The following GRM8 variants were observed in gnomAD, a reference collection of about 807,000 sequenced individuals.
GRM8 encodes the protein metabotropic glutamate receptor 8.
Under a neutral mutation model 87.2 loss-of-function variants are expected in GRM8, and 47 were observed. The observed-to-expected ratio is 0.54, with a 90% CI of 0.43 to 0.69. The LOEUF (loss-of-function observed/expected upper bound fraction) is 0.69. Ranked by LOEUF, GRM8 falls within the 30% of genes least tolerant of loss-of-function variation. The pLI, the probability that GRM8 is intolerant of heterozygous loss-of-function variation, is 0.00. For synonymous variants in GRM8, 396 were observed against 404.5 expected, an observed-to-expected ratio of 0.98 and a Z score of 0.25; for missense variants, 1,019 against 1,139.2, an observed-to-expected ratio of 0.89 and a Z score of 1.52.
chr7:126,887,403 G>T (rs1563283845), intron 6 of GRM8, among the ~76,000 whole-genome samples: 1 of 152,100 alleles, frequency 6.6e-6, no homozygotes, highest in Non-Finnish European at 1.5e-5. Flanking sequence ...TGTGGTCCTT[G>T]AGAAATCCTG....
intron 7 of GRM8, among the ~76,000 whole-genome samples, chr7:126,730,956 T>C (rs999187648): frequency 3.9e-5 from 6 of 152,258 alleles, no homozygotes; most frequent in African/African-American, 1.4e-4. Context: ...TATAATTGTT[T>C]GGTAAACATT....
chr7:126,623,229 G>A (rs1800351879), intron 7 of GRM8, among the ~76,000 whole-genome samples: 1 of 152,094 alleles, frequency 6.6e-6, no homozygotes, highest in African/African-American at 2.4e-5. Flanking sequence ...TGTGTGTGGA[G>A]GGGTGTAATA....
intron 2 of GRM8, among the ~76,000 whole-genome samples, chr7:127,133,769 C>T (rs1220285210): frequency 6.6e-6 from 1 of 151,272 alleles, no homozygotes; most frequent in Non-Finnish European, 1.5e-5. Flanking sequence ...TTTTTTCACC[C>T]TTCTTGGGTT....
At chr7:127,070,252 G>A (rs1821540345) in intron 3 of GRM8, among the ~76,000 whole-genome samples, 2 of 152,148 alleles carry the variant, frequency 1.3e-5, no homozygotes, top group Admixed American at 1.3e-4. Context: ...CTGTCGACAA[G>A]TGTGCTTGTT....
At chr7:126,454,284 C>G (rs1034743657) in intron 9 of GRM8, among the ~76,000 whole-genome samples, 2 of 151,570 alleles carry the variant, frequency 1.3e-5, no homozygotes, top group African/African-American at 2.4e-5. Context: ...GAGACGGAAG[C>G]CTTGCTAGAA....
At chr7:126,629,769 T>C (rs1801069669) in intron 7 of GRM8, among the ~76,000 whole-genome samples, 1 of 152,190 alleles carries the variant, frequency 6.6e-6, no homozygotes, top group Non-Finnish European at 1.5e-5. Flanking sequence ...ATTGTCTATG[T>C]TACTATGGTG....
At chr7:126,589,124 C>G (rs1022902749) in intron 8 of GRM8, among the ~76,000 whole-genome samples, 7 of 152,152 alleles carry the variant, frequency 4.6e-5, no homozygotes, top group African/African-American at 1.7e-4. Flanking sequence ...TTGGACAGAA[C>G]TTGGGGGAGA....
chr7:126,621,764 A>G (rs1800203617), intron 7 of GRM8, among the ~76,000 whole-genome samples: 1 of 151,988 alleles, frequency 6.6e-6, no homozygotes, highest in African/African-American at 2.4e-5. Flanking sequence ...ATCTTGACAC[A>G]TACTATCATA....
chr7:127,204,976 A>G (rs556368168), intron 2 of GRM8, among the ~76,000 whole-genome samples: 2 of 152,298 alleles, frequency 1.3e-5, no homozygotes, highest in South Asian at 2.1e-4. Context: ...TACAGGAGCT[A>G]GAGGATGACG....
At chr7:127,184,101 T>C (rs1794617933) in intron 2 of GRM8, among the ~76,000 whole-genome samples, 1 of 151,882 alleles carries the variant, frequency 6.6e-6, no homozygotes, top group East Asian at 1.9e-4. Context: ...GAAAAAATGA[T>C]ACAATTTCCA....
chr7:126,926,042 A>G (rs1805072147), intron 3 of GRM8, among the ~76,000 whole-genome samples: 1 of 152,162 alleles, frequency 6.6e-6, no homozygotes, highest in Non-Finnish European at 1.5e-5. Context: ...TTATACTTTT[A>G]TTAGAAATAT....
intron 6 of GRM8, among the ~76,000 whole-genome samples, chr7:126,829,224 G>T (rs1795113218): frequency 1.4e-5 from 2 of 146,856 alleles, no homozygotes; most frequent in African/African-American, 2.5e-5. Flanking sequence ...AGGTCTGCTT[G>T]GTGCAGAGCT....
intron 6 of GRM8, among the ~76,000 whole-genome samples, chr7:126,826,049 C>T (rs1189522229): frequency 1.3e-5 from 2 of 152,080 alleles, no homozygotes; most frequent in African/African-American, 4.8e-5. Context: ...AGGACATGAA[C>T]TCATCATTTT....
chr7:126,660,048 T>A (rs1054791822), intron 7 of GRM8, among the ~76,000 whole-genome samples: 2 of 152,226 alleles, frequency 1.3e-5, no homozygotes, highest in Non-Finnish European at 2.9e-5. Context: ...TTAGTTTTTA[T>A]GTAGCTAAAT....
intron 2 of GRM8, among the ~76,000 whole-genome samples, chr7:127,128,543 G>T (rs1343885768): frequency 6.6e-6 from 1 of 152,014 alleles, no homozygotes; most frequent in Non-Finnish European, 1.5e-5. Context: ...CCCTTCAATG[G>T]TAGTAATTAT....
intron 9 of GRM8, among the ~76,000 whole-genome samples, chr7:126,481,984 G>T (rs1352374760): frequency 6.6e-6 from 1 of 151,948 alleles, no homozygotes; most frequent in Non-Finnish European, 1.5e-5. Flanking sequence ...ACTATATTAA[G>T]AAATGGGCAA....
chr7:126,652,111 T>C (rs1431150260), intron 7 of GRM8, among the ~76,000 whole-genome samples: 8 of 152,250 alleles, frequency 5.3e-5, no homozygotes, highest in Non-Finnish European at 8.8e-5. Flanking sequence ...TGTGTATGTA[T>C]ACACCTGTAC....
chr7:126,498,818 A>G (rs1165294951), intron 9 of GRM8, among the ~76,000 whole-genome samples: 3 of 151,974 alleles, frequency 2.0e-5, no homozygotes, highest in African/African-American at 7.2e-5. Flanking sequence ...TCATTATGTG[A>G]AATTTGATTA....
At chr7:127,113,431 C>T (rs1826499669) in intron 2 of GRM8, among the ~76,000 whole-genome samples, 1 of 152,106 alleles carries the variant, frequency 6.6e-6, no homozygotes, top group Admixed American at 6.6e-5. Flanking sequence ...CAATTTAAGA[C>T]CTGAATCACG....
Sources: allele counts gnomAD v4.1 joint callset (sites outside exome capture counted in the v4.1 genomes callset), GRCh38; gene constraint gnomAD v4.1.1; transcripts MANE v1.5; gene names NCBI Gene and HGNC (gene_info 2026-07-23, HGNC 2026-07-21).